FGD4: variants seen among roughly 807,000 people sequenced by gnomAD.
The protein encoded by FGD4 is FYVE, RhoGEF and PH domain-containing protein 4.
Under a neutral mutation model 102.0 loss-of-function variants are expected in FGD4, and 42 were observed. That is an observed-to-expected ratio of 0.41 (90% CI 0.32 to 0.53). The LOEUF (loss-of-function observed/expected upper bound fraction) is 0.53, where lower values mean the gene tolerates loss of function less well. FGD4 is among the 20% of genes least tolerant of loss of function. FGD4 has a pLI of 0.21. For synonymous variants in FGD4, 380 were observed against 375.7 expected (o/e 1.01, Z -0.13); for missense variants, 902 against 1,078.2 (o/e 0.84, Z 2.29).
At chr12:32,608,443 G>A (rs952593360) in intron 8 of FGD4, among the ~76,000 whole-genome samples, 1 of 152,212 alleles carries the variant, frequency 6.6e-6, no homozygotes, top group Non-Finnish European at 1.5e-5. Context: ...TGTTTAATTA[G>A]ATAGGTTGGT....
Position 32,399,820 on chromosome 12 carries a change from C to G in FGD4, c.27C>G (p.Phe9Leu). 6.5e-7 allele frequency: 1 copy of G among 1,531,490 alleles called. No homozygotes were observed. Among genetic ancestry groups the G allele is most frequent in the Non-Finnish European group, 8.7e-7 (1 of 1,145,414 alleles). 94.9% of individuals were successfully genotyped at this position (1,531,490 alleles called of 1,614,324 possible). A position where few individuals can be genotyped will look rare whatever the true frequency, so the allele number is the denominator to read the frequency against. Residue 9 changes from phenylalanine to leucine, a missense_variant, in exon 1 of 17, where the codon TTC (phenylalanine) becomes TTG (leucine). Physicochemically the swap from Phe to Leu is conservative, Grantham distance 22. Coordinates refer to ENST00000534526, the MANE Select transcript of FGD4 (RefSeq NM_001370298.3). ...TGAGCGACGAGGGCGGCTCCAACTT[C>G]AGGCGGGTGGCGATCCGGCGGAAGT... is the stretch of plus-strand genomic sequence containing the variant. The part of the protein sequence containing the change: MSDEGGSN[F>L]RRVAIRRKSN...
intron 1 of FGD4, among the ~76,000 whole-genome samples, chr12:32,541,657 C>A (rs983453500): frequency 1.3e-5 from 2 of 152,142 alleles, no homozygotes; most frequent in African/African-American, 4.8e-5. Flanking sequence ...AGCCACCGTG[C>A]CCGGCCAGTA....
intron 1 of FGD4, among the ~76,000 whole-genome samples, chr12:32,561,070 G>GGTTTTTTTTTTT (rs1944512299): frequency 1.1e-5 from 1 of 90,788 alleles, no homozygotes; most frequent in Non-Finnish European, 2.2e-5. Context: ...TCTTTGTTGG[G>GGTTTTTTTTTTT]TTTTGTTTTT....
At chr12:32,627,725 C>CAG (rs1950264410) in intron 14 of FGD4, among the ~76,000 whole-genome samples, 1 of 152,070 alleles carries the variant, frequency 6.6e-6, no homozygotes, top group African/African-American at 2.4e-5. Context: ...CCAGCGAAGG[C>CAG]AGATAGCACG....
chr12:32,458,008 T>TA (rs398044310), intron 1 of FGD4, among the ~76,000 whole-genome samples: 12 of 152,034 alleles, frequency 7.9e-5, no homozygotes, highest in South Asian at 2.1e-4. Flanking sequence ...TTTTTTTTTT[T>TA]AATTTTCATT....
intron 3 of FGD4, among the ~76,000 whole-genome samples, chr12:32,577,443 GT>G (rs1946219448): frequency 6.6e-6 from 1 of 152,206 alleles, no homozygotes; most frequent in Non-Finnish European, 1.5e-5. Flanking sequence ...CTTGGAAATA[GT>G]TTGATTATCT....
At chr12:32,559,919 A>G (rs1190153343) in intron 1 of FGD4, among the ~76,000 whole-genome samples, 1 of 152,204 alleles carries the variant, frequency 6.6e-6, no homozygotes, top group African/African-American at 2.4e-5. Context: ...GCTTTCTCTT[A>G]TAAATTGATG....
intron 15 of FGD4, 84 bp from the exon 16 acceptor site, chr12:32,638,571 T>C: frequency 6.5e-7 from 1 of 1,547,768 alleles, no homozygotes; most frequent in South Asian, 1.1e-5. Flanking sequence ...GGGAAACATT[T>C]TGTATAAACA....
intron 14 of FGD4, among the ~76,000 whole-genome samples, chr12:32,628,042 C>T (rs919383727): frequency 1.3e-5 from 2 of 152,098 alleles, no homozygotes; most frequent in East Asian, 1.9e-4. Flanking sequence ...GACACAGTCC[C>T]GGGGGTGACC....
intron 1 of FGD4, among the ~76,000 whole-genome samples, chr12:32,451,440 A>T (rs1211429803): frequency 6.6e-6 from 1 of 152,214 alleles, no homozygotes; most frequent in Non-Finnish European, 1.5e-5. Flanking sequence ...GATTGCATGG[A>T]GTCTGTAATC....
chr12:32,520,435 T>TTTG (rs1555193664), intron 1 of FGD4, among the ~76,000 whole-genome samples: 7,659 of 140,732 alleles, frequency 0.054, 357 homozygotes, highest in South Asian at 0.12. Context: ...GTTTTTTTGT[T>TTTG]TTTTGTTTTT....
chr12:32,408,405 G>C (rs1165948790), intron 1 of FGD4, among the ~76,000 whole-genome samples: 10 of 152,244 alleles, frequency 6.6e-5, no homozygotes, highest in African/African-American at 1.9e-4. Flanking sequence ...AACCTCAGGT[G>C]ATCCGCCCAC....
chr12:32,558,909 TG>T (rs1221260469), intron 1 of FGD4, among the ~76,000 whole-genome samples: 1 of 152,150 alleles, frequency 6.6e-6, no homozygotes, highest in Non-Finnish European at 1.5e-5. Context: ...TACTAAAAAG[TG>T]GTTAAAAAGA....
intron 9 of FGD4, 23 bp downstream of exon 9, chr12:32,610,857 A>G (rs774779727): frequency 1.9e-6 from 3 of 1,609,852 alleles, no homozygotes; most frequent in Non-Finnish European, 1.7e-6. Context: ...CGGAGGAGAC[A>G]GGAACCTCTG....
intron 1 of FGD4, among the ~76,000 whole-genome samples, chr12:32,422,391 C>T (rs1012904563): frequency 7.0e-6 from 1 of 142,282 alleles, no homozygotes; most frequent in African/African-American, 2.6e-5. Flanking sequence ...CTCCGCTTCC[C>T]GAGTTCACGC....
At chr12:32,626,838 GT>G (rs200275235) in intron 14 of FGD4, among the ~76,000 whole-genome samples, 1 of 151,560 alleles carries the variant, frequency 6.6e-6, no homozygotes, top group Non-Finnish European at 1.5e-5. Context: ...TATTTATTTG[GT>G]TTTTTTTGTT....
chr12:32,490,387 AT>A (rs1290531390), intron 1 of FGD4, among the ~76,000 whole-genome samples: 1 of 140,364 alleles, frequency 7.1e-6, no homozygotes, highest in Non-Finnish European at 1.5e-5. Context: ...AGGAAAAGAG[AT>A]TTTTATCAGT....
Position 32,636,879 on chromosome 12 carries a change from T to TC in FGD4, c.2314-1776_2314-1775insC, listed in dbSNP as rs1286243072. Among the ~76,000 whole-genome samples, 5 of 150,396 alleles carry TC rather than the reference T, an allele frequency of 3.3e-5. No homozygotes were observed. In the East Asian group the frequency reaches 7.8e-4, roughly 24 times the overall value. On this transcript the variant is annotated intron_variant, in intron 15 of 16. Transcript: ENST00000534526. ...TTTTTTCAGTATTTTTTTTCTTTTT[T>TC]TTTTTTTTTTAGACAGAGTCTTGCT...
At chr12:32,410,618 A>G (rs1941165986) in intron 1 of FGD4, among the ~76,000 whole-genome samples, 2 of 152,200 alleles carry the variant, frequency 1.3e-5, no homozygotes, top group South Asian at 4.1e-4. Context: ...TCAACTTTGT[A>G]TTATTGCCTC....
Sources: allele counts gnomAD v4.1 joint callset (sites outside exome capture counted in the v4.1 genomes callset), GRCh38; gene constraint gnomAD v4.1.1; transcripts MANE v1.5; gene names NCBI Gene and HGNC (gene_info 2026-07-23, HGNC 2026-07-21).